Variants in MSRA observed in about 807,000 individuals in gnomAD.
The protein encoded by MSRA is mitochondrial peptide methionine sulfoxide reductase.
Under a neutral mutation model 31.3 loss-of-function variants are expected in MSRA, and 54 were observed. That is an observed-to-expected ratio of 1.73 (90% CI 1.39 to 2.17). The LOEUF (loss-of-function observed/expected upper bound fraction) is 2.17, where lower values mean the gene tolerates loss of function less well. Among genes scored for constraint, MSRA ranks in the 30% most tolerant of loss-of-function variants. The pLI is 0.00. For synonymous variants in MSRA, 169 were observed against 116.5 expected, an observed-to-expected ratio of 1.45 and a Z score of -2.90; for missense variants, 507 against 300.9, an observed-to-expected ratio of 1.69 and a Z score of -5.07.
chr8:10,133,414 G>T (rs892855850), intron 1 of MSRA, among the ~76,000 whole-genome samples: 7 of 152,164 alleles, frequency 4.6e-5, no homozygotes, highest in Non-Finnish European at 5.9e-5. Flanking sequence ...CTTGGCTAAC[G>T]CCTCAGTGCT....
intron 1 of MSRA, among the ~76,000 whole-genome samples, chr8:10,150,932 C>T (rs368191164): frequency 1.3e-5 from 2 of 152,062 alleles, no homozygotes; most frequent in African/African-American, 2.4e-5. Flanking sequence ...CGTGGACAGA[C>T]CCGTGTCGCT....
At chr8:10,074,849 G>T (rs1208568398) in intron 1 of MSRA, among the ~76,000 whole-genome samples, 1 of 152,008 alleles carries the variant, frequency 6.6e-6, no homozygotes, top group Non-Finnish European at 1.5e-5. Flanking sequence ...CCCAGAGACG[G>T]GGGTTCACCG....
intron 5 of MSRA, among the ~76,000 whole-genome samples, chr8:10,361,396 A>C (rs1804837108): frequency 6.6e-6 from 1 of 152,120 alleles, no homozygotes; most frequent in African/African-American, 2.4e-5. Flanking sequence ...TAGGGTTCTA[A>C]GTCTTTTCTT....
intron 1 of MSRA, among the ~76,000 whole-genome samples, chr8:10,103,815 T>C (rs902953678): frequency 2.0e-5 from 3 of 151,468 alleles, no homozygotes; most frequent in African/African-American, 4.9e-5. Context: ...TATTCAGAAG[T>C]GACAAATGCC....
intron 1 of MSRA, among the ~76,000 whole-genome samples, chr8:10,194,040 AAGAG>A (rs143414404): frequency 6.6e-6 from 1 of 152,106 alleles, no homozygotes; most frequent in Non-Finnish European, 1.5e-5. Context: ...GAAAAATTGC[AAGAG>A]AGAGAGTAAC....
intron 3 of MSRA, among the ~76,000 whole-genome samples, chr8:10,281,468 C>A (rs182814890): frequency 6.6e-6 from 1 of 152,216 alleles, no homozygotes; most frequent in Non-Finnish European, 1.5e-5. Context: ...GATGGCACAG[C>A]CTTGACAATG....
At chr8:10,271,872 C>A (rs1006717694) in intron 3 of MSRA, among the ~76,000 whole-genome samples, 2 of 152,088 alleles carry the variant, frequency 1.3e-5, no homozygotes, top group Admixed American at 1.3e-4. Context: ...GCACGTGCTA[C>A]CACGCCCAGC....
intron 3 of MSRA, among the ~76,000 whole-genome samples, chr8:10,263,210 C>A (rs1371722787): frequency 6.6e-6 from 1 of 152,134 alleles, no homozygotes; most frequent in Non-Finnish European, 1.5e-5. Flanking sequence ...TTGCTGTCAC[C>A]CCCAAACGAA....
intron 1 of MSRA, among the ~76,000 whole-genome samples, chr8:10,167,240 G>A (rs995344021): frequency 2.6e-5 from 4 of 152,190 alleles, no homozygotes; most frequent in Non-Finnish European, 5.9e-5. Flanking sequence ...TCTGATGTCA[G>A]TGTTGTGAGC....
chr8:10,280,508 T>A (rs909294404), intron 3 of MSRA, among the ~76,000 whole-genome samples: 1 of 152,254 alleles, frequency 6.6e-6, no homozygotes, highest in Non-Finnish European at 1.5e-5. Context: ...TTGATAGTGA[T>A]GTCTAATAGT....
chr8:10,392,296 C>T (rs1010941852), intron 5 of MSRA, among the ~76,000 whole-genome samples: 4 of 152,216 alleles, frequency 2.6e-5, no homozygotes, highest in Admixed American at 6.5e-5. Context: ...TTGAGCAATG[C>T]TTACATGCTC....
At chr8:10,426,921 G>A (rs1021248124) in intron 5 of MSRA, among the ~76,000 whole-genome samples, 1 of 152,146 alleles carries the variant, frequency 6.6e-6, no homozygotes, top group Admixed American at 6.5e-5. Flanking sequence ...GAGCTGGCTG[G>A]TCTAACCCAC....
rs568637451 is a variant in MSRA at position 10,126,588 on chromosome 8, C to T, written c.142+71930C>T. Among the ~76,000 whole-genome samples, 3 of 152,300 alleles carry T rather than the reference C, an allele frequency of 2.0e-5. No individual in the cohort carries two copies. The South Asian group carries it at 6.2e-4, about 32-fold the overall frequency. ...AGTGCAGTGGCATGATGTCTGCTCA[C>T]CACAACCTCTGCCTCCTGGGTTCAA... On this transcript the variant is annotated intron_variant, in intron 1 of 5. Coordinates refer to ENST00000317173, the MANE Select transcript of MSRA (RefSeq NM_012331.5).
chr8:10,248,816 C>T (rs1797766495), intron 3 of MSRA, among the ~76,000 whole-genome samples: 1 of 152,174 alleles, frequency 6.6e-6, no homozygotes, highest in South Asian at 2.1e-4. Context: ...GCCACTTGCA[C>T]CCGACATGCG....
rs564976349 is a variant in MSRA, at chr8:10,243,412, A to G, written c.212-1692A>G. Among the ~76,000 whole-genome samples the G allele has an allele frequency of 6.6e-5, 10 of 152,294 alleles. No homozygotes were observed. In the South Asian group the frequency reaches 1.4e-3, roughly 22 times the overall value. ...CTCATCCCAAGGAATGCAACAAAGGAAAATTAATAGTGAATGCTTTTGCCG... is the reference window on the plus strand; with the variant it reads ...CTCATCCCAAGGAATGCAACAAAGGGAAATTAATAGTGAATGCTTTTGCCG... On this transcript the variant is annotated intron_variant, in intron 2 of 5. Coordinates refer to ENST00000317173, the MANE Select transcript of MSRA (RefSeq NM_012331.5).
At chr8:10,084,359 C>A (rs888464086) in intron 1 of MSRA, among the ~76,000 whole-genome samples, 3 of 152,272 alleles carry the variant, frequency 2.0e-5, no homozygotes, top group Admixed American at 2.0e-4. Context: ...GACAGTGACC[C>A]CTGCCCGGCT....
intron 5 of MSRA, among the ~76,000 whole-genome samples, chr8:10,387,643 T>C (rs1011335183): frequency 2.6e-5 from 4 of 152,134 alleles, no homozygotes; most frequent in South Asian, 2.1e-4. Context: ...CAGACAAAGA[T>C]TGTCTCATCA....
chr8:10,200,737 C>T (rs1479210843), intron 1 of MSRA, among the ~76,000 whole-genome samples: 1 of 152,164 alleles, frequency 6.6e-6, no homozygotes, highest in South Asian at 2.1e-4. Flanking sequence ...TAACTTGCAC[C>T]TTAAAACACC....
At chr8:10,302,028 C>T (rs1467289245) in intron 4 of MSRA, among the ~76,000 whole-genome samples, 2 of 152,164 alleles carry the variant, frequency 1.3e-5, no homozygotes, top group Non-Finnish European at 2.9e-5. Flanking sequence ...CTGAGTTTAG[C>T]CTTTCTCGTC....
Sources: allele counts gnomAD v4.1 joint callset (sites outside exome capture counted in the v4.1 genomes callset), GRCh38; gene constraint gnomAD v4.1.1; transcripts MANE v1.5; gene names NCBI Gene and HGNC (gene_info 2026-07-23, HGNC 2026-07-21).